The following KIF13A variants were observed in gnomAD, a reference collection of about 807,000 sequenced individuals.
KIF13A encodes kinesin family member 13A.
KIF13A carries 79 observed loss-of-function variants against 212.2 expected under a neutral mutation model. That is an observed-to-expected ratio of 0.37 (90% CI 0.31 to 0.45). KIF13A has a LOEUF of 0.45. Among genes scored for constraint, KIF13A ranks in the 20% least tolerant of loss-of-function variants. The pLI, the probability that KIF13A is intolerant of heterozygous loss-of-function variation, is 1.00. For missense variants in KIF13A, 1,901 were observed against 2,209.0 expected, an observed-to-expected ratio of 0.86 and a Z score of 2.79; for synonymous variants, 789 against 808.6, an observed-to-expected ratio of 0.98 and a Z score of 0.41.
chr6:17,978,004 C>T (rs1429431175), intron 2 of KIF13A, among the ~76,000 whole-genome samples: 2 of 152,206 alleles, frequency 1.3e-5, no homozygotes, highest in Non-Finnish European at 2.9e-5. Flanking sequence ...AAGTACACTG[C>T]AAGCATAATT....
intron 2 of KIF13A, among the ~76,000 whole-genome samples, chr6:17,908,640 A>T (rs976733762): frequency 6.6e-6 from 1 of 152,136 alleles, no homozygotes; most frequent in Non-Finnish European, 1.5e-5. Context: ...ATACACTTGT[A>T]ATTTTAAAAA....
At chr6:17,937,905 C>T (rs1302414036) in intron 2 of KIF13A, among the ~76,000 whole-genome samples, 3 of 152,100 alleles carry the variant, frequency 2.0e-5, no homozygotes, top group South Asian at 2.1e-4. Context: ...TGCAACACCA[C>T]GCCCGGTTGA....
chr6:17,929,641 C>G (rs1214414139), intron 2 of KIF13A, among the ~76,000 whole-genome samples: 1 of 152,166 alleles, frequency 6.6e-6, no homozygotes, highest in Admixed American at 6.5e-5. Context: ...ACCTCATGAT[C>G]TGCCCGCCTT....
chr6:17,844,242 A>G (rs1766807058), intron 9 of KIF13A, among the ~76,000 whole-genome samples: 1 of 152,194 alleles, frequency 6.6e-6, no homozygotes, highest in Non-Finnish European at 1.5e-5. Flanking sequence ...GAAAATGGTA[A>G]TAGCTACAGT....
intron 34 of KIF13A, among the ~76,000 whole-genome samples, chr6:17,775,711 T>C (rs112476210): frequency 0.027 from 4,120 of 152,248 alleles, 192 homozygotes; most frequent in African/African-American, 0.094. Context: ...TATTTAAGCT[T>C]TTACATTTGT....
chr6:17,810,883 A>G (rs977425660), intron 17 of KIF13A, among the ~76,000 whole-genome samples: 2 of 152,222 alleles, frequency 1.3e-5, no homozygotes, highest in African/African-American at 4.8e-5. Context: ...GCAGCTGTAG[A>G]CACAGATGAA....
At chr6:17,805,252 T>C (rs1762839709) in intron 19 of KIF13A, among the ~76,000 whole-genome samples, 1 of 152,236 alleles carries the variant, frequency 6.6e-6, no homozygotes, top group Non-Finnish European at 1.5e-5. Flanking sequence ...TTTCTTCATT[T>C]AGTTCCCAAC....
At chr6:17,847,774 C>A (rs1382001115) in intron 9 of KIF13A, among the ~76,000 whole-genome samples, 1 of 152,146 alleles carries the variant, frequency 6.6e-6, no homozygotes, top group East Asian at 1.9e-4. Flanking sequence ...ACATTATGGT[C>A]ATTTTATCCC....
rs557491391 is a variant in KIF13A at position 17,785,785 on chromosome 6, C to G, written c.3362-144G>C. The G allele has an allele frequency of 4.5e-5, 37 of 830,394 alleles. No individual in the cohort carries two copies. In the South Asian group the frequency reaches 6.1e-4, roughly 14 times the overall value. 51.4% of individuals were successfully genotyped at this position (830,394 alleles called of 1,614,324 possible). A position where few individuals can be genotyped will look rare whatever the true frequency, so the allele number is the denominator to read the frequency against. On this transcript the variant is annotated intron_variant, in intron 27 of 38. Transcript: ENST00000259711. The surrounding 1 kb of genome is among the most constrained non-coding windows in gnomAD (Gnocchi z 5.8). Reference sequence around the variant, plus strand: ...AAAATAGTTGGGCAGGGTGGTGGTACGCATGCCTGTAGTCCCAGATACTCA... The same window carrying G: ...AAAATAGTTGGGCAGGGTGGTGGTAGGCATGCCTGTAGTCCCAGATACTCA...
intron 2 of KIF13A, among the ~76,000 whole-genome samples, chr6:17,975,256 G>T (rs911479998): frequency 6.6e-6 from 1 of 152,198 alleles, no homozygotes; most frequent in African/African-American, 2.4e-5. Flanking sequence ...GGAAGGCTCA[G>T]GCAGGAGAAT....
intron 31 of KIF13A, 40 bp downstream of exon 31, chr6:17,780,690 A>G (rs1430923861): frequency 6.3e-7 from 1 of 1,584,670 alleles, no homozygotes. Context: ...AAATCTTTTG[A>G]GCTCAGAGCC....
intron 2 of KIF13A, among the ~76,000 whole-genome samples, chr6:17,916,268 G>GA (rs1209458972): frequency 6.6e-6 from 1 of 152,160 alleles, no homozygotes; most frequent in East Asian, 1.9e-4. Flanking sequence ...GTCAAGGGGG[G>GA]ATCCAAGGAC....
Position 17,971,663 on chromosome 6 carries a change from G to A in KIF13A, c.146+15391C>T, listed in dbSNP as rs182054249. ...TGGTCTCAAGCTCCTGGGCCCAAGC[G>A]ATCCTCCCACCTCTGCCTCCCAAAG... is the stretch of plus-strand genomic sequence containing the variant. On this transcript the variant is annotated intron_variant, in intron 2 of 38. Transcript: ENST00000259711. The surrounding 1 kb of genome is among the most constrained non-coding windows in gnomAD (Gnocchi z 4.2). Among the ~76,000 whole-genome samples the A allele has an allele frequency of 2.0e-5, 3 of 152,172 alleles. No homozygotes were observed. Among genetic ancestry groups the A allele is most frequent in the Admixed American group, 6.5e-5 (1 of 15,272 alleles).
chr6:17,821,685 G>A, intron 16 of KIF13A: 1 of 1,299,140 alleles, frequency 7.7e-7, no homozygotes, highest in South Asian at 1.5e-5. Flanking sequence ...TCCCAATCAT[G>A]TTAGTTAGAT....
intron 3 of KIF13A, among the ~76,000 whole-genome samples, chr6:17,880,362 C>T (rs1217270669): frequency 6.6e-6 from 1 of 152,030 alleles, no homozygotes; most frequent in Non-Finnish European, 1.5e-5. Context: ...CTCAGTGGCT[C>T]ACAGCTGTAA....
chr6:17,984,643 T>C lies in KIF13A; in HGVS notation c.146+2411A>G. ...TCTCACTTGTTTTTACTGGTAAGAC[T>C]GAAAACTTTCACCCACTAACCTTCA... On this transcript the variant is annotated intron_variant, in intron 2 of 38. Coordinates refer to ENST00000259711, the MANE Select transcript of KIF13A (RefSeq NM_022113.6). The surrounding 1 kb of genome is among the most constrained non-coding windows in gnomAD (Gnocchi z 5.0). 1 of 670,882 alleles carries C rather than the reference T, an allele frequency of 1.5e-6. No individual in the cohort carries two copies. The highest frequency in any genetic ancestry group is 1.8e-6 in the Non-Finnish European group (1 of 542,634). The allele number at this position is 670,882 out of a possible 1,614,324, so 41.6% of individuals were successfully genotyped here. A position where few individuals can be genotyped will look rare whatever the true frequency, so the allele number is the denominator to read the frequency against.
chr6:17,867,274 T>C (rs1769496100), intron 4 of KIF13A, among the ~76,000 whole-genome samples: 1 of 152,068 alleles, frequency 6.6e-6, no homozygotes, highest in Admixed American at 6.6e-5. Flanking sequence ...AAATGACAAA[T>C]TGAGTATGAG....
rs1760056884 is a variant in KIF13A at position 17,777,119 on chromosome 6, T to G, written c.4170+158A>C. ...ATGGCTCAGTCTTAGACAACTGTGC[T>G]GCCTGGTGTGTGTCCCTGGTACAGA... On this transcript the variant is annotated intron_variant, in intron 34 of 38. Coordinates refer to ENST00000259711, the MANE Select transcript of KIF13A (RefSeq NM_022113.6). The surrounding 1 kb of genome is among the most constrained non-coding windows in gnomAD (Gnocchi z 4.4). Among the ~76,000 whole-genome samples, 1 of 152,244 alleles carries G rather than the reference T, an allele frequency of 6.6e-6. No homozygotes were observed. The highest frequency in any genetic ancestry group is 1.5e-5 in the Non-Finnish European group (1 of 68,048).
Position 17,809,518 on chromosome 6 carries a change from G to C in KIF13A, c.2001-588C>G, listed in dbSNP as rs1338253029. 1.3e-5 allele frequency among the ~76,000 whole-genome samples: 2 copies of C among 152,142 alleles called. No homozygotes were observed. The highest frequency in any genetic ancestry group is 2.9e-5 in the Non-Finnish European group (2 of 68,022). The stretch of plus-strand genomic sequence containing the variant: ...CATGCCTTTAGCCTCCATAGCATTT[G>C]CCATAGTTAGAACTTTTCATTTTTA... On this transcript the variant is annotated intron_variant, in intron 17 of 38. Transcript: ENST00000259711. The surrounding 1 kb of genome is among the most constrained non-coding windows in gnomAD (Gnocchi z 4.7).
Sources: gnomAD v4.1 joint callset for allele counts (sites outside exome capture counted in the v4.1 genomes callset) on GRCh38, gnomAD v4.1.1 for gene constraint, Gnocchi (gnomAD v3.1) non-coding constraint, MANE v1.5 for transcripts, NCBI Gene and HGNC (gene_info 2026-07-23, HGNC 2026-07-21) for gene names.